The following MET variants were observed in gnomAD, a reference collection of about 807,000 sequenced individuals.
MET encodes the protein MET proto-oncogene, receptor tyrosine kinase.
A neutral mutation model predicts 133.1 loss-of-function variants in MET; 48 were observed. That is an observed-to-expected ratio of 0.36 (90% CI 0.29 to 0.46). MET has a LOEUF of 0.46. Among genes scored for constraint, MET ranks in the 20% least tolerant of loss-of-function variants. The probability of loss-of-function intolerance (pLI) is 1.00; values close to 1 mark genes in which losing one functional copy is unlikely to be tolerated. For synonymous variants in MET, 628 were observed against 616.5 expected, an observed-to-expected ratio of 1.02 and a Z score of -0.28; for missense variants, 1,442 against 1,695.9, an observed-to-expected ratio of 0.85 and a Z score of 2.63.
At chr7:116,672,982 G>T (rs1361296945) in intron 1 of MET, among the ~76,000 whole-genome samples, 1 of 152,090 alleles carries the variant, frequency 6.6e-6, no homozygotes, top group East Asian at 1.9e-4. Flanking sequence ...TGCTTTATCT[G>T]TGTTATGTTG....
Position 116,779,091 on chromosome 7 carries a change from G to A in MET, c.3522+134G>A. On this transcript the variant is annotated intron_variant, in intron 17 of 20. Coordinates refer to ENST00000397752, the MANE Select transcript of MET (RefSeq NM_000245.4). ...TTTAAAATGTTAGCATCATTCAAAT[G>A]CACCTCAAAGTCTTCTATCCTGGTG... 3 of 883,546 alleles carry A rather than the reference G, an allele frequency of 3.4e-6. No individual in the cohort carries two copies. The South Asian group carries it at 4.8e-5, about 14-fold the overall frequency. 54.7% of individuals were successfully genotyped at this position (883,546 alleles called of 1,614,324 possible).
At chr7:116,790,173 C>CAGTACAGTA in intron 19 of MET, among the ~76,000 whole-genome samples, 1 of 152,238 alleles carries the variant, frequency 6.6e-6, no homozygotes, top group African/African-American at 2.4e-5. Flanking sequence ...TTTAAATACA[C>CAGTACAGTA]AGTACAGTAT....
At chr7:116,765,383 A>T (rs944592557) in intron 11 of MET, among the ~76,000 whole-genome samples, 1 of 151,842 alleles carries the variant, frequency 6.6e-6, no homozygotes, top group Non-Finnish European at 1.5e-5. Flanking sequence ...TATTGCCAGG[A>T]AGATTTCATG....
intron 1 of MET, among the ~76,000 whole-genome samples, chr7:116,680,601 A>G (rs1796314770): frequency 6.6e-6 from 1 of 152,114 alleles, no homozygotes; most frequent in African/African-American, 2.4e-5. Flanking sequence ...AGGGTGTCCC[A>G]TTAAGAATCA....
At chr7:116,754,468 G>A (rs1794046204) in intron 5 of MET, among the ~76,000 whole-genome samples, 1 of 152,020 alleles carries the variant, frequency 6.6e-6, no homozygotes, top group South Asian at 2.1e-4. Flanking sequence ...TAAAAGTCTG[G>A]GCCCAACGTG....
At chr7:116,714,033 G>T (rs771843017) in intron 2 of MET, among the ~76,000 whole-genome samples, 2 of 152,174 alleles carry the variant, frequency 1.3e-5, no homozygotes, top group Non-Finnish European at 2.9e-5. Context: ...GAGGAAAGCA[G>T]AAAACCTCTT....
At chr7:116,741,364 A>G (rs1455962884) in intron 5 of MET, among the ~76,000 whole-genome samples, 2 of 151,672 alleles carry the variant, frequency 1.3e-5, no homozygotes, top group East Asian at 3.9e-4. Context: ...AGTGCTCCCC[A>G]TTTTCTCACA....
At chr7:116,716,333 GAGA>G (rs1792203729) in intron 2 of MET, among the ~76,000 whole-genome samples, 1 of 125,764 alleles carries the variant, frequency 8.0e-6, no homozygotes. Flanking sequence ...GAGAGAGAGA[GAGA>G]GAAAAGAAAC....
chr7:116,685,475 C>T (rs914414650), intron 1 of MET, among the ~76,000 whole-genome samples: 2 of 151,968 alleles, frequency 1.3e-5, no homozygotes, highest in Non-Finnish European at 2.9e-5. Flanking sequence ...GGGTGGTGGT[C>T]AGGAGTTCAA....
intron 17 of MET, among the ~76,000 whole-genome samples, chr7:116,781,214 T>A (rs1584963516): frequency 6.6e-6 from 1 of 152,148 alleles, no homozygotes; most frequent in Non-Finnish European, 1.5e-5. Flanking sequence ...GAAACTGCAA[T>A]GAAGGCTCTT....
chr7:116,722,077 C>A (rs888858174), intron 2 of MET, among the ~76,000 whole-genome samples: 1 of 150,526 alleles, frequency 6.6e-6, no homozygotes, highest in East Asian at 1.9e-4. Context: ...CTAATGTTGA[C>A]AGTGGGGTGT....
chr7:116,775,150 T>C, intron 15 of MET, 39 bp downstream of exon 15: 1 of 1,594,982 alleles, frequency 6.3e-7, no homozygotes, highest in Non-Finnish European at 8.6e-7. Context: ...AATACGATTT[T>C]CCAGTAAGCA....
intron 5 of MET, among the ~76,000 whole-genome samples, chr7:116,754,885 GAGAA>G (rs1182416668): frequency 4.1e-5 from 4 of 97,668 alleles, no homozygotes; most frequent in African/African-American, 7.6e-5. Flanking sequence ...GAGAGAGAGA[GAGAA>G]AGAGAGAAAG....
chr7:116,775,533 G>A (rs565529338), intron 15 of MET, among the ~76,000 whole-genome samples: 31 of 151,994 alleles, frequency 2.0e-4, no homozygotes, highest in East Asian at 5.8e-4. Context: ...GCAAAACCCC[G>A]TCTCTACTAA....
chr7:116,779,052 G>A, intron 17 of MET, 95 bp downstream of exon 17: 1 of 1,211,822 alleles, frequency 8.3e-7, no homozygotes, highest in Non-Finnish European at 1.2e-6. Flanking sequence ...AAAGCTAGTA[G>A]CCAAAGATGC....
chr7:116,787,519 A>G (rs1795353899), intron 19 of MET, among the ~76,000 whole-genome samples: 1 of 152,204 alleles, frequency 6.6e-6, no homozygotes, highest in South Asian at 2.1e-4. Context: ...AAGGCATCAC[A>G]TGGGTGTGAG....
chr7:116,789,561 C>G (rs929104113), intron 19 of MET, among the ~76,000 whole-genome samples: 3 of 152,168 alleles, frequency 2.0e-5, no homozygotes, highest in African/African-American at 7.2e-5. Context: ...TGTAGTCAAC[C>G]TCTACCCTAT....
At chr7:116,728,357 T>C (rs1792874425) in intron 2 of MET, among the ~76,000 whole-genome samples, 1 of 152,166 alleles carries the variant, frequency 6.6e-6, no homozygotes, top group Non-Finnish European at 1.5e-5. Flanking sequence ...GGAGATACTA[T>C]TTAGAGATCT....
At chr7:116,674,114 G>A (rs1796070595) in intron 1 of MET, among the ~76,000 whole-genome samples, 1 of 152,144 alleles carries the variant, frequency 6.6e-6, no homozygotes, top group Non-Finnish European at 1.5e-5. Flanking sequence ...TGGAATTTGT[G>A]GCATATAGAA....
Sources: allele counts gnomAD v4.1 joint callset (sites outside exome capture counted in the v4.1 genomes callset), GRCh38; gene constraint gnomAD v4.1.1; transcripts MANE v1.5; gene names NCBI Gene and HGNC (gene_info 2026-07-23, HGNC 2026-07-21).